The following PCNX2 variants were observed in gnomAD, a reference collection of about 807,000 sequenced individuals.
PCNX2 encodes the protein pecanex 2.
Under a neutral mutation model 223.8 loss-of-function variants are expected in PCNX2, and 168 were observed. The observed-to-expected ratio is 0.75, with a 90% CI of 0.66 to 0.85. PCNX2 has a LOEUF of 0.85. Among genes scored for constraint, PCNX2 ranks in the 40% least tolerant of loss-of-function variants. The pLI is 0.00. For synonymous variants in PCNX2, 1,006 were observed against 1,052.6 expected (o/e 0.96, Z 0.86); for missense variants, 2,507 against 2,675.5 (o/e 0.94, Z 1.39).
chr1:233,008,624 G>A (rs1049687162), intron 28 of PCNX2, among the ~76,000 whole-genome samples: 2 of 152,156 alleles, frequency 1.3e-5, no homozygotes, highest in African/African-American at 4.8e-5. Context: ...ACACCCCAGT[G>A]TCCAGTGTTC....
intron 8 of PCNX2, among the ~76,000 whole-genome samples, chr1:233,249,799 G>A (rs932725495): frequency 6.6e-6 from 1 of 152,210 alleles, no homozygotes; most frequent in Non-Finnish European, 1.5e-5. Flanking sequence ...GTAAGAAACA[G>A]TAGTGGCTTT....
intron 21 of PCNX2, among the ~76,000 whole-genome samples, chr1:233,101,668 C>T (rs768298562): frequency 2.0e-5 from 3 of 152,130 alleles, no homozygotes; most frequent in Non-Finnish European, 2.9e-5. Flanking sequence ...AGGGGGCACT[C>T]CCCCAGCCCC....
At chr1:233,226,205 T>C (rs1268334732) in intron 10 of PCNX2, among the ~76,000 whole-genome samples, 1 of 152,130 alleles carries the variant, frequency 6.6e-6, no homozygotes, top group Non-Finnish European at 1.5e-5. Context: ...TGTGCAAATT[T>C]TGAGGTAGGA....
At position 233,222,898 on chromosome 1, in the gene PCNX2, T is replaced by G. The variant is rs79878967; in HGVS notation, c.2504+4328A>C. The stretch of plus-strand genomic sequence containing the variant: ...CATCCTGAAATCATGAGATGTCAAT[T>G]TGGTAGTTAGATATGCAAGTCTGGA... On this transcript the variant is annotated intron_variant, in intron 10 of 33. Transcript: ENST00000258229. Among the ~76,000 whole-genome samples, 580 of 152,226 alleles carry G rather than the reference T, an allele frequency of 3.8e-3. 7 individuals are homozygous for G. The highest frequency in any genetic ancestry group is 0.013 in the African/African-American group (555 of 41,538).
At chr1:233,278,016 G>A (rs1399863365) in intron 1 of PCNX2, among the ~76,000 whole-genome samples, 8 of 152,182 alleles carry the variant, frequency 5.3e-5, no homozygotes, top group Non-Finnish European at 1.2e-4. Context: ...AGGGTTCAGT[G>A]TAAACTATGT....
chr1:233,176,263 T>G (rs1205670683), intron 17 of PCNX2, among the ~76,000 whole-genome samples: 1 of 152,208 alleles, frequency 6.6e-6, no homozygotes, highest in Non-Finnish European at 1.5e-5. Flanking sequence ...AAAGAACTTT[T>G]GAAGCTGTCC....
intron 23 of PCNX2, among the ~76,000 whole-genome samples, chr1:233,078,353 T>C (rs547867197): frequency 2.1e-4 from 32 of 152,262 alleles, no homozygotes; most frequent in Non-Finnish European, 2.2e-4. Flanking sequence ...ATGTTTCAAA[T>C]CTGCCTAAGA....
At chr1:233,165,205 G>C (rs1459407802) in intron 17 of PCNX2, among the ~76,000 whole-genome samples, 3 of 152,164 alleles carry the variant, frequency 2.0e-5, no homozygotes, top group African/African-American at 7.2e-5. Flanking sequence ...TTTCAAAGTA[G>C]TTGTAACTAT....
At chr1:233,237,707 A>C (rs1658503261) in intron 8 of PCNX2, among the ~76,000 whole-genome samples, 1 of 152,186 alleles carries the variant, frequency 6.6e-6, no homozygotes. Flanking sequence ...CTGCCTACTC[A>C]ACAGGCATTT....
intron 25 of PCNX2, among the ~76,000 whole-genome samples, chr1:233,030,727 G>T (rs1409980372): frequency 6.6e-6 from 1 of 152,182 alleles, no homozygotes; most frequent in African/African-American, 2.4e-5. Context: ...GTTCAGCAAG[G>T]TCTCCTCACT....
intron 15 of PCNX2, among the ~76,000 whole-genome samples, chr1:233,188,966 C>T (rs939105067): frequency 2.6e-5 from 4 of 152,212 alleles, no homozygotes; most frequent in Non-Finnish European, 5.9e-5. Flanking sequence ...GTCCTGCCCA[C>T]ATTCAAGGGG....
chr1:233,177,441 C>T (rs539056806), intron 17 of PCNX2, among the ~76,000 whole-genome samples: 39 of 152,308 alleles, frequency 2.6e-4, no homozygotes, highest in African/African-American at 8.9e-4. Context: ...CAATGGAAAC[C>T]GGACACAGCA....
intron 17 of PCNX2, among the ~76,000 whole-genome samples, chr1:233,168,212 CA>C (rs1678915710): frequency 6.6e-6 from 1 of 151,852 alleles, no homozygotes; most frequent in African/African-American, 2.4e-5. Context: ...TAGAATAACA[CA>C]ATAATATTGC....
intron 1 of PCNX2, among the ~76,000 whole-genome samples, chr1:233,285,870 G>A (rs1440816156): frequency 2.0e-5 from 3 of 152,156 alleles, no homozygotes; most frequent in African/African-American, 7.2e-5. Flanking sequence ...TAGAAATATT[G>A]GAATACCATG....
intron 1 of PCNX2, among the ~76,000 whole-genome samples, chr1:233,266,883 C>G (rs1285076063): frequency 1.3e-5 from 2 of 152,102 alleles, no homozygotes; most frequent in Non-Finnish European, 2.9e-5. Context: ...GGTTTTATGA[C>G]AACATTTCAT....
At chr1:233,025,495 G>A (rs1244126130) in intron 25 of PCNX2, 96 bp from the exon 26 acceptor site, 1 of 1,464,772 alleles carries the variant, frequency 6.8e-7, no homozygotes, top group Non-Finnish European at 9.2e-7. Flanking sequence ...AGGGGAAGAG[G>A]CTGAAGGGAG....
At chr1:233,032,111 C>G (rs113107471) in intron 25 of PCNX2, 1 of 583,030 alleles carries the variant, frequency 1.7e-6, no homozygotes, top group Non-Finnish European at 2.1e-6. Flanking sequence ...TTCTTTCTTT[C>G]TTTTTTTTGA....
At chr1:233,245,478 ATGCCGCACATGTG>A (rs1659052253) in intron 8 of PCNX2, among the ~76,000 whole-genome samples, 1 of 152,242 alleles carries the variant, frequency 6.6e-6, no homozygotes, top group Non-Finnish European at 1.5e-5. Context: ...GGGCATCTGG[ATGCCGCACATGTG>A]TGCAAGAAGG....
Position 233,090,087 on chromosome 1 carries a change from T to C in PCNX2, c.4050A>G (p.Pro1350=). 6.2e-7 allele frequency: 1 copy of C among 1,613,900 alleles called. No homozygotes were observed. Among genetic ancestry groups the C allele is most frequent in the Admixed American group, 1.7e-5 (1 of 60,006 alleles). The change falls in exon 23 of 34, where the codon CCA becomes CCG. Residue 1350 remains proline (P), a synonymous_variant. Coordinates refer to ENST00000258229, the MANE Select transcript of PCNX2 (RefSeq NM_014801.4). ...SVIFITSYVR[P]VKFWEKNYNT... ...TGTAGTTTTTCTCCCAGAATTTCAC[T>C]GGCCTGACATATGATGTGATGAAAA...
Sources: allele counts gnomAD v4.1 joint callset (sites outside exome capture counted in the v4.1 genomes callset), GRCh38; gene constraint gnomAD v4.1.1; transcripts MANE v1.5; gene names NCBI Gene and HGNC (gene_info 2026-07-23, HGNC 2026-07-21).